Variants in NARF observed in about 807,000 individuals in gnomAD.
The protein encoded by NARF is iron-only hydrogenase-like protein 2.
Under a neutral mutation model 48.0 loss-of-function variants are expected in NARF, and 41 were observed. That is an observed-to-expected ratio of 0.85 (90% CI 0.66 to 1.11). NARF has a LOEUF of 1.11. NARF is among the 50% of genes least tolerant of loss of function. NARF has a pLI of 0.00. For synonymous variants in NARF, 215 were observed against 225.5 expected, an observed-to-expected ratio of 0.95 and a Z score of 0.42; for missense variants, 613 against 590.2, an observed-to-expected ratio of 1.04 and a Z score of -0.40.
chr17:82,458,763 C>A lies in NARF; in HGVS notation c.-41C>A. ...GGTGTCCCAGTCTCCCGGTGCTTCC[C>A]TGAGGCTGAGGCGCCCGGCCTCCCG... On this transcript the variant is annotated 5_prime_UTR_variant, in exon 1 of 11. In the 5' UTR this introduces an upstream ATG that the reference lacks. Coordinates refer to ENST00000309794, the MANE Select transcript of NARF (RefSeq NM_012336.4). 11 of 1,472,592 alleles carry A rather than the reference C, an allele frequency of 7.5e-6. No homozygotes were observed. Among genetic ancestry groups the A allele is most frequent in the Non-Finnish European group, 8.9e-6 (10 of 1,117,892 alleles). The allele number at this position is 1,472,592 out of a possible 1,614,324, so 91.2% of individuals were successfully genotyped here.
intron 7 of NARF, chr17:82,483,093 T>C (rs921482747): frequency 1.3e-5 from 2 of 159,866 alleles, no homozygotes; most frequent in African/African-American, 4.8e-5. Context: ...TGAGGCAGGC[T>C]GGTCACCTGA....
chr17:82,460,056 C>T lies in NARF; in HGVS notation c.92C>T (p.Ala31Val), dbSNP rs745308576. The change falls in exon 2 of 11, where the codon GCC (alanine) becomes GTC (valine). Residue 31 changes from alanine to valine, a missense_variant. Coordinates refer to ENST00000309794, the MANE Select transcript of NARF (RefSeq NM_012336.4). ...GTGTCAGCCGATGCACCGAGTCCAG[C>T]CCAGGAAAATGGAGAGGCAAGTAGA... ...ENVSADAPSP[A>V]QENGEKGEFH... 3 of 1,613,714 alleles carry T rather than the reference C, an allele frequency of 1.9e-6. No homozygotes were observed. Among genetic ancestry groups the T allele is most frequent in the African/African-American group, 1.3e-5 (1 of 74,896 alleles).
intron 10 of NARF, among the ~76,000 whole-genome samples, chr17:82,485,927 G>A (rs546429826): frequency 4.6e-5 from 7 of 152,360 alleles, no homozygotes; most frequent in South Asian, 4.1e-4. Context: ...GAGTCAGCCC[G>A]TGGCGGCTGG....
At chr17:82,481,934 G>A (rs774067577) in intron 7 of NARF, 5 of 323,290 alleles carry the variant, frequency 1.5e-5, no homozygotes, top group Non-Finnish European at 2.4e-5. Flanking sequence ...AATGAAAAAG[G>A]CACGTTTGCT....
chr17:82,475,466 G>A (rs759826800), intron 5 of NARF, among the ~76,000 whole-genome samples: 168 of 152,178 alleles, frequency 1.1e-3, no homozygotes, highest in Non-Finnish European at 1.2e-3. Flanking sequence ...CAGGTGTGGC[G>A]GGCACCTGTA....
Position 82,460,050 on chromosome 17 carries a change from G to C in NARF, c.86G>C (p.Ser29Thr). 1.2e-6 allele frequency: 2 copies of C among 1,613,992 alleles called. No homozygotes were observed. Among genetic ancestry groups the C allele is most frequent in the South Asian group, 1.1e-5 (1 of 91,058 alleles). ...GAGAATGTGTCAGCCGATGCACCGA[G>C]TCCAGCCCAGGAAAATGGAGAGGCA... Reference protein sequence around the residue: ...DQENVSADAPSPAQENGEKGE... With the variant: ...DQENVSADAPTPAQENGEKGE... Residue 29 changes from serine to threonine, a missense_variant, in exon 2 of 11, where the codon AGT (serine) becomes ACT (threonine). Physicochemically the swap from Ser to Thr is moderately conservative, Grantham distance 58 (BLOSUM62 1). Transcript: ENST00000309794.
At chr17:82,480,097 C>T (rs2043926360) in intron 6 of NARF, 1 of 219,274 alleles carries the variant, frequency 4.6e-6, no homozygotes, top group South Asian at 1.9e-4. Flanking sequence ...TTTGCTCCGC[C>T]CCTGCCCTGA....
At position 82,487,993 on chromosome 17, in the gene NARF, A is replaced by C. The variant is rs372335310; in HGVS notation, c.1207A>C (p.Ile403Leu). The change falls in exon 11 of 11, where the codon ATT (isoleucine) becomes CTT (leucine). Residue 403 changes from isoleucine to leucine, a missense_variant. Coordinates refer to ENST00000309794, the MANE Select transcript of NARF (RefSeq NM_012336.4). ...DKALLRQMEGIYADIPVRRPE... is the reference protein window; with the variant it reads ...DKALLRQMEGLYADIPVRRPE... ...GGCCCTGCTGCGGCAGATGGAAGGC[A>C]TTTACGCTGACATCCCTGTGCGGCG... is the stretch of plus-strand genomic sequence containing the variant. 1 of 1,614,208 alleles carries C rather than the reference A, an allele frequency of 6.2e-7. No individual in the cohort carries two copies. The highest frequency in any genetic ancestry group is 1.1e-5 in the South Asian group (1 of 91,088).
In NARF at chr17:82,478,875, A is replaced by G. The variant is rs2043896074; in HGVS notation, c.596A>G (p.Gln199Arg). Reference protein sequence around the residue: ...AHLCTAKSPQQVMGSLVKDYF... With the variant: ...AHLCTAKSPQRVMGSLVKDYF... ...CTCTGCACCGCCAAGTCCCCCCAGC[A>G]GGTCATGGGCTCTTTGGTGAAGGAT... is the stretch of plus-strand genomic sequence containing the variant. Residue 199 changes from glutamine (Q) to arginine (R), a missense_variant, in exon 6 of 11, where the codon CAG becomes CGG. Coordinates refer to ENST00000309794, the MANE Select transcript of NARF (RefSeq NM_012336.4). 1 of 1,614,014 alleles carries G rather than the reference A, an allele frequency of 6.2e-7. No homozygotes were observed. The highest frequency in any genetic ancestry group is 1.7e-5 in the Admixed American group (1 of 60,012).
At chr17:82,458,466 C>G (rs1313454661), upstream of NARF, 2 of 296,090 alleles carry the variant, frequency 6.8e-6, no homozygotes, top group Admixed American at 5.3e-5. Flanking sequence ...GCAGGACCCA[C>G]GAGAAGCGGA....
intron 7 of NARF, 66 bp downstream of exon 7, chr17:82,481,277 G>A (rs949443240): frequency 1.3e-6 from 2 of 1,595,532 alleles, no homozygotes; most frequent in Non-Finnish European, 1.7e-6. Flanking sequence ...ACACACCAGA[G>A]CCAGGCAGAT....
chr17:82,473,551 C>T (rs1303448916), intron 5 of NARF, among the ~76,000 whole-genome samples: 1 of 150,690 alleles, frequency 6.6e-6, no homozygotes, highest in Non-Finnish European at 1.5e-5. Context: ...CGGGGTTTCA[C>T]CGTGTTAGTC....
At position 82,485,662 on chromosome 17, in the gene NARF, G is replaced by A. The variant is rs780391626; in HGVS notation, c.1129+8G>A. ...TCCTCGCCTGTGCTGGAGGTGAGGC[G>A]CCAAGAGCAGCACCTGGCTCTGTCT... On this transcript the variant is annotated splice_region_variant and intron_variant, in intron 10 of 10. Transcript: ENST00000309794. 1.9e-5 allele frequency: 30 copies of A among 1,613,408 alleles called. No homozygotes were observed. The Middle Eastern group carries it at 1.0e-3, about 54-fold the overall frequency.
Position 82,458,744 on chromosome 17 carries a change from C to G in NARF, c.-60C>G. On this transcript the variant is annotated 5_prime_UTR_variant, in exon 1 of 11. Coordinates refer to ENST00000309794, the MANE Select transcript of NARF (RefSeq NM_012336.4). ...GCCGCGGGCGGCGGGCAGTGGTGTC[C>G]CAGTCTCCCGGTGCTTCCCTGAGGC... The G allele has an allele frequency of 2.7e-6, 4 of 1,473,536 alleles. No homozygotes were observed. The highest frequency in any genetic ancestry group is 3.6e-6 in the Non-Finnish European group (4 of 1,119,038). 91.3% of individuals were successfully genotyped at this position (1,473,536 alleles called of 1,614,324 possible).
At chr17:82,475,814 G>T (rs553531722) in intron 5 of NARF, among the ~76,000 whole-genome samples, 5 of 152,270 alleles carry the variant, frequency 3.3e-5, no homozygotes, top group African/African-American at 1.2e-4. Flanking sequence ...ATCTGCTCAG[G>T]ATTCACATCA....
intron 1 of NARF, 134 bp from the exon 2 acceptor site, chr17:82,459,858 C>A: frequency 1.5e-6 from 1 of 667,656 alleles, no homozygotes; most frequent in South Asian, 2.0e-5. Flanking sequence ...GAGAGCGAGA[C>A]TCCGTCTAAA....
intron 7 of NARF, 81 bp from the exon 8 acceptor site, chr17:82,483,635 T>C (rs1690236389): frequency 7.4e-7 from 1 of 1,351,782 alleles, no homozygotes; most frequent in South Asian, 1.2e-5. Context: ...CCAGGGTCAC[T>C]AATGTCAAAT....
At chr17:82,473,100 C>G (rs1274576410) in intron 5 of NARF, among the ~76,000 whole-genome samples, 1 of 151,222 alleles carries the variant, frequency 6.6e-6, no homozygotes, top group Non-Finnish European at 1.5e-5. Context: ...GCCACTGCAC[C>G]CAACTAATTA....
In NARF at chr17:82,487,956, A is replaced by T; in HGVS notation, c.1170A>T (p.Gly390=). Residue 390 remains glycine (G), a synonymous_variant, in exon 11 of 11, where the codon GGA becomes GGT. Transcript: ENST00000309794. ...NGRGQAQTPD[G]HADKALLRQM... is the part of the protein sequence containing the mutation. ...GAGGCCAAGCCCAGACTCCAGACGG[A>T]CATGCGGATAAGGCCCTGCTGCGGC... is the stretch of plus-strand genomic sequence containing the variant. 6.2e-7 allele frequency: 1 copy of T among 1,614,222 alleles called. No homozygotes were observed. Among genetic ancestry groups the T allele is most frequent in the East Asian group, 2.2e-5 (1 of 44,880 alleles).
Sources: allele counts gnomAD v4.1 joint callset (sites outside exome capture counted in the v4.1 genomes callset), GRCh38; gene constraint gnomAD v4.1.1; transcripts MANE v1.5; gene names NCBI Gene and HGNC (gene_info 2026-07-23, HGNC 2026-07-21).